SCPEP1: variants seen among roughly 807,000 people sequenced by gnomAD.
SCPEP1 encodes serine carboxypeptidase 1.
A neutral mutation model predicts 63.8 loss-of-function variants in SCPEP1; 51 were observed. That is an observed-to-expected ratio of 0.80 (90% CI 0.64 to 1.01). The LOEUF (loss-of-function observed/expected upper bound fraction) is 1.01. Ranked by LOEUF, SCPEP1 falls within the 50% of genes least tolerant of loss-of-function variation. The probability of loss-of-function intolerance (pLI) is 0.00; values close to 1 mark genes in which losing one functional copy is unlikely to be tolerated. For missense variants in SCPEP1, 499 were observed against 554.9 expected (o/e 0.90, Z 1.01); for synonymous variants, 204 against 207.8 (o/e 0.98, Z 0.16).
chr17:57,000,048 G>A (rs1011877732), intron 10 of SCPEP1, among the ~76,000 whole-genome samples: 1 of 152,078 alleles, frequency 6.6e-6, no homozygotes, highest in African/African-American at 2.4e-5. Flanking sequence ...TACTTGGGAG[G>A]CTGAGGTGGG....
At chr17:56,988,136 C>T in intron 4 of SCPEP1, 80 bp from the exon 5 acceptor site, 1 of 1,162,052 alleles carries the variant, frequency 8.6e-7, no homozygotes, top group Admixed American at 2.0e-5. Context: ...TCATTACGTG[C>T]AATAGAAATT....
Position 56,991,117 on chromosome 17 carries a change from A to G in SCPEP1, c.565A>G (p.Ile189Val), listed in dbSNP as rs1270797972. Residue 189 changes from isoleucine (I) to valine (V), a missense_variant, in exon 6 of 13, where the codon ATC becomes GTC. By Grantham distance (29) the Ile-to-Val change is conservative (BLOSUM62 3). Coordinates refer to ENST00000262288, the MANE Select transcript of SCPEP1 (RefSeq NM_021626.3). ...ELYKAIQRGT[I>V]KCNFAGVALG... is the part of the protein sequence containing the mutation. The stretch of plus-strand genomic sequence containing the variant: ...CTTTCAGGCCATTCAGCGAGGGACC[A>G]TCAAGTGCAACTTTGCGGGGGTTGC... The G allele has an allele frequency of 1.2e-6, 2 of 1,614,042 alleles. No individual in the cohort carries two copies. Among genetic ancestry groups the G allele is most frequent in the Admixed American group, 1.7e-5 (1 of 60,016 alleles).
At chr17:56,988,608 T>C (rs1911295554) in intron 5 of SCPEP1, among the ~76,000 whole-genome samples, 1 of 151,776 alleles carries the variant, frequency 6.6e-6, no homozygotes, top group Non-Finnish European at 1.5e-5. Flanking sequence ...ATATTTGTAT[T>C]TTATATAAAT....
intron 8 of SCPEP1, chr17:56,995,837 C>T (rs908392423): frequency 2.9e-6 from 1 of 339,396 alleles, no homozygotes. Flanking sequence ...CCCAGGCCTG[C>T]AAGACTTGCT....
At chr17:56,981,883 ACCCT>A (rs1318362189) in intron 2 of SCPEP1, among the ~76,000 whole-genome samples, 1 of 151,872 alleles carries the variant, frequency 6.6e-6, no homozygotes, top group Non-Finnish European at 1.5e-5. Flanking sequence ...AGGTAGCCTG[ACCCT>A]CCCTTCCTCT....
At chr17:56,994,863 C>A in intron 6 of SCPEP1, 118 bp from the exon 7 acceptor site, 1 of 898,210 alleles carries the variant, frequency 1.1e-6, no homozygotes, top group South Asian at 1.5e-5. Flanking sequence ...CCTTCCAATC[C>A]AAAGCCACCG....
At chr17:56,992,219 C>T (rs920595962) in intron 6 of SCPEP1, among the ~76,000 whole-genome samples, 2 of 152,272 alleles carry the variant, frequency 1.3e-5, no homozygotes, top group South Asian at 4.1e-4. Context: ...TAGGGATTTG[C>T]TTGTTACAGA....
At chr17:56,985,739 C>T (rs1053581560) in intron 3 of SCPEP1, among the ~76,000 whole-genome samples, 1 of 152,144 alleles carries the variant, frequency 6.6e-6, no homozygotes, top group Non-Finnish European at 1.5e-5. Context: ...CAGCAGACAC[C>T]TGGGACCCTG....
intron 8 of SCPEP1, among the ~76,000 whole-genome samples, chr17:56,996,410 G>T (rs1911561682): frequency 6.6e-6 from 1 of 151,988 alleles, no homozygotes; most frequent in African/African-American, 2.4e-5. Flanking sequence ...TCACCGTGTT[G>T]CCCAGGCTGG....
chr17:57,005,349 T>C (rs1911852748), intron 12 of SCPEP1, among the ~76,000 whole-genome samples: 1 of 152,194 alleles, frequency 6.6e-6, no homozygotes, highest in Non-Finnish European at 1.5e-5. Flanking sequence ...TGTTGGTTTG[T>C]CACATATAGA....
intron 2 of SCPEP1, among the ~76,000 whole-genome samples, chr17:56,981,635 T>G (rs1245335454): frequency 6.6e-6 from 1 of 152,092 alleles, no homozygotes; most frequent in East Asian, 1.9e-4. Flanking sequence ...GCCGACATAG[T>G]GAAACGCTGT....
chr17:57,005,190 A>G (rs1053836767), intron 12 of SCPEP1, among the ~76,000 whole-genome samples: 1 of 152,336 alleles, frequency 6.6e-6, no homozygotes, highest in Non-Finnish European at 1.5e-5. Flanking sequence ...TCATGGTGGC[A>G]CTCAAAAAGG....
rs1045607845 is a variant in SCPEP1 at position 57,000,769 on chromosome 17, T to C, written c.995-86T>C. On this transcript the variant is annotated intron_variant, in intron 10 of 12. Transcript: ENST00000262288. ...TGTGCATTCAGTCGTTGTTCGGTGC[T>C]GGAGCCCAAGATGCTCTGGGCTGAA... 2.7e-6 allele frequency: 4 copies of C among 1,502,914 alleles called. No individual in the cohort carries two copies. The African/African-American group carries it at 5.5e-5, about 21-fold the overall frequency. 93.1% of individuals were successfully genotyped at this position (1,502,914 alleles called of 1,614,324 possible).
At chr17:56,983,457 G>A (rs1292627240) in intron 2 of SCPEP1, 1 of 152,130 alleles carries the variant, frequency 6.6e-6, no homozygotes. Flanking sequence ...ATTGCATATT[G>A]CATTATAAAT....
intron 12 of SCPEP1, 109 bp downstream of exon 12, chr17:57,002,290 G>GA: frequency 2.8e-6 from 3 of 1,059,832 alleles, no homozygotes; most frequent in Admixed American, 4.8e-5. Flanking sequence ...GAAGTACGAG[G>GA]GCCCGAGGGC....
chr17:56,993,126 G>T (rs1911447753), intron 6 of SCPEP1, among the ~76,000 whole-genome samples: 1 of 152,154 alleles, frequency 6.6e-6, no homozygotes, highest in African/African-American at 2.4e-5. Flanking sequence ...CTTCAAGAAG[G>T]TCTTGATCTG....
intron 10 of SCPEP1, 39 bp downstream of exon 10, chr17:56,998,537 A>T: frequency 6.7e-7 from 1 of 1,485,424 alleles, no homozygotes; most frequent in South Asian, 1.1e-5. Context: ...TTGTACAGTT[A>T]TGGGGAGAAA....
chr17:57,000,341 G>T (rs1329813294), intron 10 of SCPEP1, among the ~76,000 whole-genome samples: 1 of 152,154 alleles, frequency 6.6e-6, no homozygotes, highest in African/African-American at 2.4e-5. Context: ...GAGCTAGCAA[G>T]AGTACTAGCT....
At chr17:56,990,470 T>G (rs901335911) in intron 5 of SCPEP1, among the ~76,000 whole-genome samples, 3 of 152,240 alleles carry the variant, frequency 2.0e-5, no homozygotes, top group African/African-American at 7.2e-5. Flanking sequence ...GAGATCACTA[T>G]AGTTAGCATC....
Sources: gnomAD v4.1 joint callset for allele counts (sites outside exome capture counted in the v4.1 genomes callset) on GRCh38, gnomAD v4.1.1 for gene constraint, MANE v1.5 for transcripts, NCBI Gene and HGNC (gene_info 2026-07-23, HGNC 2026-07-21) for gene names.